PC: variants seen among roughly 807,000 people sequenced by gnomAD.
PC encodes pyruvate carboxylase.
A neutral mutation model predicts 107.8 loss-of-function variants in PC; 46 were observed. That is an observed-to-expected ratio of 0.43 (90% CI 0.34 to 0.55). The LOEUF is 0.55. Among genes scored for constraint, PC ranks in the 20% least tolerant of loss-of-function variants. PC has a pLI of 0.04. For missense variants in PC, 1,241 were observed against 1,643.1 expected, an observed-to-expected ratio of 0.76 and a Z score of 4.23; for synonymous variants, 662 against 684.7, an observed-to-expected ratio of 0.97 and a Z score of 0.52.
At chr11:66,885,106 C>T (rs1026618641) in intron 3 of PC, among the ~76,000 whole-genome samples, 8 of 152,288 alleles carry the variant, frequency 5.3e-5, no homozygotes, top group South Asian at 4.1e-4. Context: ...TCAGGACAAG[C>T]GGGTGTCACC....
At chr11:66,951,884 G>C (rs908529356) in intron 3 of PC, among the ~76,000 whole-genome samples, 1 of 148,648 alleles carries the variant, frequency 6.7e-6, no homozygotes, top group Non-Finnish European at 1.5e-5. Flanking sequence ...GCAAGACTCC[G>C]TCTCAAAAAA....
In PC at chr11:66,851,954, G is replaced by A; in HGVS notation, c.1826-8C>T. 1 of 1,613,548 alleles carries A rather than the reference G, an allele frequency of 6.2e-7. No homozygotes were observed. The highest frequency in any genetic ancestry group is 8.5e-7 in the Non-Finnish European group (1 of 1,179,928). On this transcript the variant is annotated splice_region_variant and splice_polypyrimidine_tract_variant and intron_variant, in intron 15 of 22. Transcript: ENST00000393960. ...CGACGTCAAACGTGGCTCCTGCACA[G>A]GAACCGAGAGGCCCAGATCAGCTCT...
intron 3 of PC, among the ~76,000 whole-genome samples, chr11:66,943,812 G>A (rs1270495678): frequency 8.3e-4 from 97 of 116,958 alleles, no homozygotes; most frequent in Non-Finnish European, 1.4e-3. Context: ...GTGAAACCCC[G>A]TTTCTACTAA....
chr11:66,859,640 T>C, intron 12 of PC: 1 of 1,612,820 alleles, frequency 6.2e-7, no homozygotes, highest in Non-Finnish European at 8.5e-7. Flanking sequence ...CCTGCAGGAT[T>C]GTCCCAGCCT....
intron 3 of PC, among the ~76,000 whole-genome samples, chr11:66,877,313 G>A (rs1162620254): frequency 6.6e-6 from 1 of 152,210 alleles, no homozygotes; most frequent in Non-Finnish European, 1.5e-5. Context: ...TTGAGCCTGT[G>A]AGGCGGAAGT....
At chr11:66,856,579 CGT>C (rs1159836124) in intron 12 of PC, 1 of 152,576 alleles carries the variant, frequency 6.6e-6, no homozygotes, top group Non-Finnish European at 1.5e-5. Flanking sequence ...TGACCTTCAG[CGT>C]GTGTCTGTGA....
chr11:66,874,109 G>A lies in PC; in HGVS notation c.1-1950C>T, dbSNP rs530646797. Reference sequence around the variant, plus strand: ...CGAGTAGCTGGAATTACAGGCACCCGCCACCACGCCCAGCTAATTTTTGTA... The same window carrying A: ...CGAGTAGCTGGAATTACAGGCACCCACCACCACGCCCAGCTAATTTTTGTA... On this transcript the variant is annotated intron_variant, in intron 3 of 22. Coordinates refer to ENST00000393960, the MANE Select transcript of PC (RefSeq NM_001040716.2). Among the ~76,000 whole-genome samples the A allele has an allele frequency of 1.7e-4, 26 of 152,182 alleles. No homozygotes were observed. The South Asian group carries it at 5.0e-3, about 29-fold the overall frequency.
chr11:66,953,210 T>C (rs1949480094), intron 2 of PC, among the ~76,000 whole-genome samples: 1 of 152,248 alleles, frequency 6.6e-6, no homozygotes, highest in African/African-American at 2.4e-5. Flanking sequence ...TTTCTCTTCC[T>C]GCCCACTCCG....
At chr11:66,890,855 A>G (rs1383475214) in intron 3 of PC, among the ~76,000 whole-genome samples, 2 of 152,002 alleles carry the variant, frequency 1.3e-5, no homozygotes, top group Non-Finnish European at 2.9e-5. Context: ...TAGGCTGACA[A>G]AATGATCATT....
At chr11:66,935,703 TGAGA>T (rs1948981524) in intron 3 of PC, among the ~76,000 whole-genome samples, 1 of 152,142 alleles carries the variant, frequency 6.6e-6, no homozygotes, top group South Asian at 2.1e-4. Flanking sequence ...CTAGTGAAGC[TGAGA>T]GAGACACTGA....
chr11:66,869,682 T>C (rs559587261), intron 9 of PC, among the ~76,000 whole-genome samples: 6 of 152,292 alleles, frequency 3.9e-5, no homozygotes, highest in Admixed American at 2.6e-4. Context: ...ACGCATCCTC[T>C]GCTGCCTATA....
chr11:66,872,186 TAGCGC>T, intron 3 of PC, 27 bp from the exon 4 acceptor site: 1 of 1,567,174 alleles, frequency 6.4e-7, no homozygotes, highest in Non-Finnish European at 8.6e-7. Context: ...GAGCCCAGGT[TAGCGC>T]AGCCTCAGCA....
chr11:66,900,976 C>T (rs1319460536), intron 3 of PC, among the ~76,000 whole-genome samples: 9 of 152,048 alleles, frequency 5.9e-5, no homozygotes, highest in Non-Finnish European at 1.3e-4. Context: ...TCTTTATTTC[C>T]TTATCTTTCC....
In PC at chr11:66,910,290, A is replaced by G. The variant is rs1948297102; in HGVS notation, c.1-38131T>C. Reference sequence around the variant, plus strand: ...GTGCTCAGCTCTGGGTAGTGCTTACATCTGTCTCGTCCTTGTCTTGGCTCA... The same window carrying G: ...GTGCTCAGCTCTGGGTAGTGCTTACGTCTGTCTCGTCCTTGTCTTGGCTCA... On this transcript the variant is annotated intron_variant, in intron 3 of 22. Coordinates refer to ENST00000393960, the MANE Select transcript of PC (RefSeq NM_001040716.2). 2.0e-5 allele frequency among the ~76,000 whole-genome samples: 3 copies of G among 152,114 alleles called. No individual in the cohort carries two copies. The South Asian group carries it at 6.2e-4, about 32-fold the overall frequency.
intron 1 of PC, among the ~76,000 whole-genome samples, chr11:66,956,974 G>C (rs920173744): frequency 1.3e-5 from 2 of 152,200 alleles, no homozygotes. Flanking sequence ...GCTGTCTCTC[G>C]GCCCAGTGTA....
At chr11:66,873,409 AATAT>A (rs1233583950) in intron 3 of PC, among the ~76,000 whole-genome samples, 1 of 92,192 alleles carries the variant, frequency 1.1e-5, no homozygotes, top group Non-Finnish European at 2.0e-5. Context: ...ATATAATATA[AATAT>A]ATATAATATA....
chr11:66,859,082 C>T (rs1946079415), intron 12 of PC: 1 of 1,488,360 alleles, frequency 6.7e-7, no homozygotes, highest in East Asian at 2.4e-5. Context: ...AAGATGAGAC[C>T]CTCATCTACC....
chr11:66,924,369 C>CAAAACAAAAAAAAAAA (rs1948664997), intron 3 of PC, among the ~76,000 whole-genome samples: 1 of 65,590 alleles, frequency 1.5e-5, no homozygotes, highest in Non-Finnish European at 2.9e-5. Context: ...CCATCTCTAC[C>CAAAACAAAAAAAAAAA]AAAAAAAAAA....
intron 3 of PC, among the ~76,000 whole-genome samples, chr11:66,913,139 C>T (rs1324865787): frequency 2.0e-5 from 3 of 152,084 alleles, no homozygotes; most frequent in South Asian, 2.1e-4. Flanking sequence ...TGGCCTGTGG[C>T]GCCAAAGGCA....
Sources: gnomAD v4.1 joint callset for allele counts (sites outside exome capture counted in the v4.1 genomes callset) on GRCh38, gnomAD v4.1.1 for gene constraint, MANE v1.5 for transcripts, NCBI Gene and HGNC (gene_info 2026-07-23, HGNC 2026-07-21) for gene names.